ZNF106: variants seen among roughly 807,000 people sequenced by gnomAD.
The protein encoded by ZNF106 is SH3-domain binding protein 3.
A neutral mutation model predicts 195.1 loss-of-function variants in ZNF106; 67 were observed. The ratio of observed to expected loss-of-function variants is 0.34; its 90% CI spans 0.28 to 0.42. The LOEUF (loss-of-function observed/expected upper bound fraction) is 0.42, where lower values mean the gene tolerates loss of function less well. ZNF106 is among the 10% of genes least tolerant of loss of function. ZNF106 has a pLI of 1.00. For synonymous variants in ZNF106, 784 were observed against 818.6 expected (o/e 0.96, Z 0.72); for missense variants, 2,118 against 2,304.5 (o/e 0.92, Z 1.66).
In ZNF106 at chr15:42,439,063, C is replaced by G. The variant is rs1326763219; in HGVS notation, c.4514G>C (p.Gly1505Ala). Residue 1505 changes from glycine (G) to alanine (A), a missense_variant, in exon 11 of 22, where the codon GGC (glycine) becomes GCC (alanine). Coordinates refer to ENST00000564754, the MANE Select transcript of ZNF106 (RefSeq NM_001366845.3). ...CDEVSSTSEI[G>A]TRYKDGIPVS... ...AGGGATGCCATCTTTATAGCGAGTG[C>G]CAATTTCACTGGTAGAGCTAACTTC... 2.5e-6 allele frequency: 4 copies of G among 1,613,626 alleles called. No individual in the cohort carries two copies. Among genetic ancestry groups the G allele is most frequent in the East Asian group, 2.2e-5 (1 of 44,896 alleles).
At chr15:42,428,291 T>G (rs2054929136) in intron 14 of ZNF106, among the ~76,000 whole-genome samples, 157 bp from the exon 15 acceptor site, 1 of 152,218 alleles carries the variant, frequency 6.6e-6, no homozygotes, top group African/African-American at 2.4e-5. Context: ...TGTTTCTCCT[T>G]TGAAATATGA....
intron 1 of ZNF106, 87 bp from the exon 2 acceptor site, chr15:42,472,408 T>C (rs2056694956): frequency 1.0e-6 from 1 of 962,202 alleles, no homozygotes; most frequent in Non-Finnish European, 1.5e-6. Flanking sequence ...ACAAGTCTTA[T>C]CTTCCTCACC....
At chr15:42,466,314 G>T (rs1013514909) in intron 2 of ZNF106, among the ~76,000 whole-genome samples, 200 bp from the exon 3 acceptor site, 4 of 151,846 alleles carry the variant, frequency 2.6e-5, no homozygotes, top group African/African-American at 7.3e-5. Flanking sequence ...TAAATAAAAA[G>T]AATTCTTAAA....
At chr15:42,441,514 A>G (rs895744356) in intron 10 of ZNF106, among the ~76,000 whole-genome samples, 1 of 152,156 alleles carries the variant, frequency 6.6e-6, no homozygotes, top group Non-Finnish European at 1.5e-5. Context: ...TGGTAATGCA[A>G]ACTTCTAACA....
intron 1 of ZNF106, among the ~76,000 whole-genome samples, chr15:42,481,359 T>TG (rs11369190): frequency 0.13 from 13,833 of 103,658 alleles, 1,322 homozygotes; most frequent in African/African-American, 0.37. Context: ...TTTTTGTTGT[T>TG]TTTTTTTTTT....
At chr15:42,419,063 CA>C (rs367772491) in intron 20 of ZNF106, among the ~76,000 whole-genome samples, 1,152 of 105,748 alleles carry the variant, frequency 0.011, 12 homozygotes, top group African/African-American at 0.033. Context: ...CTTTCTCTAC[CA>C]AAAAAAAAAA....
rs550009747 is a variant in ZNF106 at position 42,448,826 on chromosome 15, C to T, written c.2502-121G>A. 216 of 933,218 alleles carry T rather than the reference C, an allele frequency of 2.3e-4. 2 individuals are homozygous for T. The African/African-American group carries it at 3.4e-3, about 15-fold the overall frequency. 57.8% of individuals were successfully genotyped at this position (933,218 alleles called of 1,614,324 possible). ...TTATAAAAAGTAAGGTGGCTCTTGC[C>T]TTCAAGGGGCTCACAGTCTAGTCAG... On this transcript the variant is annotated intron_variant, in intron 5 of 21. Transcript: ENST00000564754.
At chr15:42,447,096 T>C (rs1391765755) in intron 6 of ZNF106, among the ~76,000 whole-genome samples, 2 of 152,254 alleles carry the variant, frequency 1.3e-5, no homozygotes, top group African/African-American at 4.8e-5. Flanking sequence ...TCCCTCAGCT[T>C]GAAGTGTATT....
At position 42,450,824 on chromosome 15, in the gene ZNF106, G is replaced by C; in HGVS notation, c.1448C>G (p.Thr483Ser). 1.2e-6 allele frequency: 2 copies of C among 1,614,166 alleles called. No homozygotes were observed. Among genetic ancestry groups the C allele is most frequent in the Non-Finnish European group, 1.7e-6 (2 of 1,180,016 alleles). Residue 483 changes from threonine (T) to serine (S), a missense_variant, in exon 5 of 22, where the codon ACT (threonine) becomes AGT (serine). Thr to Ser is a moderately conservative substitution (Grantham distance 58). Coordinates refer to ENST00000564754, the MANE Select transcript of ZNF106 (RefSeq NM_001366845.3). ...LKSPLLPCPA[T>S]KSLSQKQDPK... The stretch of plus-strand genomic sequence containing the variant: ...ATCTTGCTTTTGAGACAATGATTTA[G>C]TGGCTGGACATGGAAGGAGTGGGGA...
chr15:42,466,402 G>A (rs2056517172), intron 2 of ZNF106, among the ~76,000 whole-genome samples: 1 of 151,972 alleles, frequency 6.6e-6, no homozygotes, highest in South Asian at 2.1e-4. Flanking sequence ...AGTAAACTAA[G>A]TAAGTTAAAT....
chr15:42,444,158 A>G, intron 9 of ZNF106, 44 bp downstream of exon 9: 1 of 1,300,976 alleles, frequency 7.7e-7, no homozygotes, highest in Non-Finnish European at 1.1e-6. Flanking sequence ...ACAAAAAAGT[A>G]ACACGCTATA....
At chr15:42,435,239 G>T in intron 14 of ZNF106, 145 bp downstream of exon 14, 1 of 1,121,426 alleles carries the variant, frequency 8.9e-7, no homozygotes, top group Non-Finnish European at 1.3e-6. Flanking sequence ...TCTACCTAGG[G>T]CTACAACAAT....
Position 42,417,930 on chromosome 15 carries a change from A to T in ZNF106, c.5539T>A (p.Phe1847Ile). The change falls in exon 21 of 22, where the codon TTT becomes ATT. Residue 1847 changes from phenylalanine (F) to isoleucine (I), a missense_variant. Transcript: ENST00000564754. Reference sequence around the variant, plus strand: ...TGTTTTAAATGATCTACAACGCCAAATATCAGAGAGCAACCATGCCACTGG... The same window carrying T: ...TGTTTTAAATGATCTACAACGCCAATTATCAGAGAGCAACCATGCCACTGG... ...RCWWHGCSLIFGVVDHLKQHL... is the reference protein window; with the variant it reads ...RCWWHGCSLIIGVVDHLKQHL... 6.2e-7 allele frequency: 1 copy of T among 1,613,842 alleles called. No homozygotes were observed. Among genetic ancestry groups the T allele is most frequent in the African/African-American group, 1.3e-5 (1 of 75,022 alleles).
intron 10 of ZNF106, among the ~76,000 whole-genome samples, chr15:42,440,265 C>T (rs2055450206): frequency 1.3e-5 from 2 of 152,308 alleles, no homozygotes; most frequent in South Asian, 2.1e-4. Context: ...TTTCCTTTGA[C>T]TTAGTTACTT....
chr15:42,450,984 T>C lies in ZNF106; in HGVS notation c.1288A>G (p.Lys430Glu), dbSNP rs550672478. The C allele has an allele frequency of 6.2e-7, 1 of 1,614,100 alleles. No individual in the cohort carries two copies. The highest frequency in any genetic ancestry group is 8.5e-7 in the Non-Finnish European group (1 of 1,180,048). Residue 430 changes from lysine (K) to glutamate (E), a missense_variant, in exon 5 of 22, where the codon AAA becomes GAA. Lys to Glu is a moderately conservative substitution (Grantham distance 56). Transcript: ENST00000564754. ...TTAAGAGATCCAGTATGTATTTCTTTTTGTGTTTTCTGTGTTGGGGAATTA... is the reference window on the plus strand; with the variant it reads ...TTAAGAGATCCAGTATGTATTTCTTCTTGTGTTTTCTGTGTTGGGGAATTA... ...TRNSPTQKTQKEIHTGSLNHK... is the reference protein window; with the variant it reads ...TRNSPTQKTQEEIHTGSLNHK...
At position 42,442,120 on chromosome 15, in the gene ZNF106, G is replaced by A. The variant is rs1431400787; in HGVS notation, c.3716C>T (p.Pro1239Leu). ...GGACACATTGCAGGCAGAGCTTGGTGGCACAGCATTCACATTCTCATCTTG... is the reference window on the plus strand; with the variant it reads ...GGACACATTGCAGGCAGAGCTTGGTAGCACAGCATTCACATTCTCATCTTG... ...PEQDENVNAV[P>L]PSSACNVSKE... The change falls in exon 10 of 22, where the codon CCA becomes CTA. Residue 1239 changes from proline (P) to leucine (L), a missense_variant. Physicochemically the swap from Pro to Leu is moderately conservative, Grantham distance 98 (BLOSUM62 -3). Transcript: ENST00000564754. 2 of 1,614,020 alleles carry A rather than the reference G, an allele frequency of 1.2e-6. No homozygotes were observed. The highest frequency in any genetic ancestry group is 2.2e-5 in the East Asian group (1 of 44,886).
rs1293417937 is a variant in ZNF106 at position 42,415,580 on chromosome 15, T to C, written c.*1724A>G. ...CCCCTGGTGAAGTCCCCCTGCCCGATAGCCTGAGGGAAGACATGTGAGTGG... is the reference window on the plus strand; with the variant it reads ...CCCCTGGTGAAGTCCCCCTGCCCGACAGCCTGAGGGAAGACATGTGAGTGG... On this transcript the variant is annotated 3_prime_UTR_variant, in exon 22 of 22. Coordinates refer to ENST00000564754, the MANE Select transcript of ZNF106 (RefSeq NM_001366845.3). 6.9e-6 allele frequency: 3 copies of C among 434,526 alleles called. No individual in the cohort carries two copies. The highest frequency in any genetic ancestry group is 1.4e-5 in the Non-Finnish European group (3 of 216,400). The allele number at this position is 434,526 out of a possible 1,614,324, so 26.9% of individuals were successfully genotyped here.
intron 15 of ZNF106, among the ~76,000 whole-genome samples, chr15:42,426,949 A>T (rs964109658): frequency 6.6e-6 from 1 of 152,114 alleles, no homozygotes; most frequent in African/African-American, 2.4e-5. Flanking sequence ...AATTCTTCTC[A>T]CTTGATCTTA....
rs1233466293 is a variant in ZNF106, at chr15:42,457,049, T to C, written c.226A>G (p.Arg76Gly). 8.7e-6 allele frequency: 14 copies of C among 1,610,908 alleles called. No homozygotes were observed. Among genetic ancestry groups the C allele is most frequent in the Admixed American group, 1.7e-5 (1 of 59,296 alleles). Residue 76 changes from arginine (R) to glycine (G), a missense_variant, in exon 4 of 22, where the codon AGA becomes GGA. By Grantham distance (125) the Arg-to-Gly change is moderately radical. Transcript: ENST00000564754. ...TCCTCTCCTTTTCCATCATCTTCTC[T>C]TTCCTGGGCATCAACGTTATCTTTG... ...LHKDNVDAQE[R>G]EDDGKGEEEE...
Sources: allele counts gnomAD v4.1 joint callset (sites outside exome capture counted in the v4.1 genomes callset), GRCh38; gene constraint gnomAD v4.1.1; transcripts MANE v1.5; gene names NCBI Gene and HGNC (gene_info 2026-07-23, HGNC 2026-07-21).